LONP2: variants seen among roughly 807,000 people sequenced by gnomAD.
LONP2 encodes the protein lon protease homolog 2, peroxisomal.
Under a neutral mutation model 85.6 loss-of-function variants are expected in LONP2, and 60 were observed. The ratio of observed to expected loss-of-function variants is 0.70; its 90% confidence interval spans 0.57 to 0.87. The LOEUF is 0.87. LONP2 is among the 40% of genes least tolerant of loss of function. LONP2 has a pLI of 0.00. For synonymous variants in LONP2, 395 were observed against 389.7 expected, an observed-to-expected ratio of 1.01 and a Z score of -0.16; for missense variants, 860 against 1,063.5, an observed-to-expected ratio of 0.81 and a Z score of 2.66.
At chr16:48,296,619 C>T (rs950588384) in intron 9 of LONP2, among the ~76,000 whole-genome samples, 7 of 149,504 alleles carry the variant, frequency 4.7e-5, no homozygotes, top group African/African-American at 7.4e-5. Context: ...CCCACCTACT[C>T]GGGAGGCTGA....
chr16:48,296,557 A>G (rs1972675580), intron 9 of LONP2, among the ~76,000 whole-genome samples: 1 of 151,994 alleles, frequency 6.6e-6, no homozygotes, highest in Non-Finnish European at 1.5e-5. Context: ...GTGAAACACC[A>G]TCTCAATAAA....
At chr16:48,300,416 C>T (rs1366759205) in intron 10 of LONP2, among the ~76,000 whole-genome samples, 7 of 152,134 alleles carry the variant, frequency 4.6e-5, no homozygotes, top group African/African-American at 1.7e-4. Context: ...TTACAGATTC[C>T]CTGTTTGAAT....
At chr16:48,295,380 AAG>A (rs1432475772) in intron 8 of LONP2, among the ~76,000 whole-genome samples, 1 of 152,178 alleles carries the variant, frequency 6.6e-6, no homozygotes, top group Non-Finnish European at 1.5e-5. Context: ...TCAAGAAAAA[AAG>A]AGTTATTGAT....
At chr16:48,290,506 A>G (rs1972538514) in intron 8 of LONP2, among the ~76,000 whole-genome samples, 1 of 152,226 alleles carries the variant, frequency 6.6e-6, no homozygotes, top group Non-Finnish European at 1.5e-5. Context: ...AGAACGTGTG[A>G]CCAACCAGTT....
At chr16:48,297,170 G>C (rs1596959425) in intron 9 of LONP2, among the ~76,000 whole-genome samples, 1 of 152,182 alleles carries the variant, frequency 6.6e-6, no homozygotes, top group Middle Eastern at 3.4e-3. Context: ...ACCACGCCCA[G>C]GTAATTTTTG....
chr16:48,293,564 CAGG>C (rs1173819593), intron 8 of LONP2, among the ~76,000 whole-genome samples: 1 of 151,916 alleles, frequency 6.6e-6, no homozygotes, highest in African/African-American at 2.4e-5. Flanking sequence ...TTTGCAGTGA[CAGG>C]AGGAGAGTGA....
intron 7 of LONP2, among the ~76,000 whole-genome samples, 178 bp downstream of exon 7, chr16:48,270,452 T>C (rs904241901): frequency 7.2e-5 from 11 of 152,222 alleles, no homozygotes; most frequent in African/African-American, 1.7e-4. Context: ...AGCGTAATGA[T>C]AAACCCAAAC....
chr16:48,351,244 A>C (rs1246239442), intron 14 of LONP2, among the ~76,000 whole-genome samples: 1 of 152,198 alleles, frequency 6.6e-6, no homozygotes, highest in Non-Finnish European at 1.5e-5. Context: ...GCTTTTTCAG[A>C]TCAACCTAAA....
rs373089189 is a variant in LONP2, at chr16:48,362,507, A to G, written c.*644A>G. On this transcript the variant is annotated 3_prime_UTR_variant, in exon 5 of 5. Coordinates refer to the LONP2 transcript ENST00000565867. This position sits in a 1 kb window ranked among gnomAD's most constrained non-coding sequence, Gnocchi z 4.2. Reference sequence around the variant, plus strand: ...ACTTTATAAATAATGTTTACATGCCATAAGTCCTTTTAAAGTTTCATACAA... The same window carrying G: ...ACTTTATAAATAATGTTTACATGCCGTAAGTCCTTTTAAAGTTTCATACAA... The G allele has an allele frequency of 1.3e-4, 185 of 1,427,552 alleles. 1 individual carries two copies. The East Asian group carries it at 2.3e-3, about 17-fold the overall frequency. 88.4% of individuals were successfully genotyped at this position (1,427,552 alleles called of 1,614,324 possible).
At chr16:48,331,796 C>T (rs1959464444) in intron 11 of LONP2, among the ~76,000 whole-genome samples, 1 of 152,172 alleles carries the variant, frequency 6.6e-6, no homozygotes, top group South Asian at 2.1e-4. Context: ...GATCTCCTGA[C>T]CTCGTGATCC....
intron 12 of LONP2, chr16:48,346,044 CAAAAAAAAAA>C (rs61309007): frequency 4.4e-5 from 3 of 68,892 alleles, no homozygotes; most frequent in African/African-American, 1.5e-4. Flanking sequence ...ACTCATGTCT[CAAAAAAAAAA>C]AAAAAAAAAA....
In LONP2 at chr16:48,350,472, G is replaced by A. The variant is rs116395285; in HGVS notation, c.2338-1109G>A. Among the ~76,000 whole-genome samples the A allele has an allele frequency of 2.9e-3, 434 of 152,226 alleles. 3 individuals are homozygous for A. Among genetic ancestry groups the A allele is most frequent in the African/African-American group, 9.8e-3 (405 of 41,520 alleles). On this transcript the variant is annotated intron_variant, in intron 14 of 14. Coordinates refer to ENST00000285737, the MANE Select transcript of LONP2 (RefSeq NM_031490.5). ...TACATGGCCTTAGTATCAATCAAGTGTGAAAGTAAAATATTTTCAAACATG... is the reference window on the plus strand; with the variant it reads ...TACATGGCCTTAGTATCAATCAAGTATGAAAGTAAAATATTTTCAAACATG...
At chr16:48,323,551 G>T (rs778130146) in intron 11 of LONP2, among the ~76,000 whole-genome samples, 5 of 152,030 alleles carry the variant, frequency 3.3e-5, no homozygotes, top group Non-Finnish European at 7.4e-5. Flanking sequence ...CCAGCTACTT[G>T]GGTGACTGAG....
At chr16:48,255,389 C>G (rs114079659) in intron 2 of LONP2, among the ~76,000 whole-genome samples, 2,595 of 152,258 alleles carry the variant, frequency 0.017, 93 homozygotes, top group African/African-American at 0.06. Context: ...CAATTTAAGA[C>G]TCATAGACAC....
In LONP2 at chr16:48,320,642, C is replaced by T. The variant is rs550016592; in HGVS notation, c.1796-13574C>T. ...CTTCTAAAATCAGGCGGTGGTCTAA[C>T]GTTGAGGTGAAAATATCATGTTGGT... On this transcript the variant is annotated intron_variant, in intron 11 of 14. Transcript: ENST00000285737. Among the ~76,000 whole-genome samples the T allele has an allele frequency of 4.2e-4, 64 of 152,102 alleles. 1 individual carries two copies. The highest frequency in any genetic ancestry group is 1.4e-3 in the African/African-American group (59 of 41,500).
intron 10 of LONP2, among the ~76,000 whole-genome samples, chr16:48,300,697 T>TA (rs1307340732): frequency 6.6e-6 from 1 of 152,246 alleles, no homozygotes; most frequent in East Asian, 1.9e-4. Context: ...GACTAAGTCT[T>TA]ACCTGGGGGT....
intron 8 of LONP2, among the ~76,000 whole-genome samples, chr16:48,278,040 T>C (rs1972251654): frequency 1.3e-5 from 2 of 151,254 alleles, no homozygotes; most frequent in African/African-American, 4.9e-5. Flanking sequence ...TTTTTGTTGT[T>C]TTTTTCTTGT....
At chr16:48,313,958 G>A (rs1287572062) in intron 11 of LONP2, among the ~76,000 whole-genome samples, 5 of 152,062 alleles carry the variant, frequency 3.3e-5, no homozygotes, top group Admixed American at 1.3e-4. Flanking sequence ...TCACAACCTC[G>A]CCAGCATCTG....
chr16:48,300,548 C>T (rs771812545), intron 10 of LONP2, among the ~76,000 whole-genome samples: 21 of 152,212 alleles, frequency 1.4e-4, no homozygotes, highest in Admixed American at 4.6e-4. Flanking sequence ...TCTCCTCTTG[C>T]GGCCCTTTTC....
Sources: gnomAD v4.1 joint callset for allele counts (sites outside exome capture counted in the v4.1 genomes callset) on GRCh38, gnomAD v4.1.1 for gene constraint, Gnocchi (gnomAD v3.1) non-coding constraint, MANE v1.5 for transcripts, NCBI Gene and HGNC (gene_info 2026-07-23, HGNC 2026-07-21) for gene names.